PIEZO2: variants seen among roughly 807,000 people sequenced by gnomAD.
PIEZO2 encodes the protein piezo type mechanosensitive ion channel component 2, also known as piezo-type mechanosensitive ion channel component 2.
Under a neutral mutation model 337.3 loss-of-function variants are expected in PIEZO2, and 172 were observed. That is an observed-to-expected ratio of 0.51 (90% CI 0.45 to 0.58). The LOEUF (loss-of-function observed/expected upper bound fraction) is 0.58. Among genes scored for constraint, PIEZO2 ranks in the 20% least tolerant of loss-of-function variants. The pLI is 0.00. For synonymous variants in PIEZO2, 1,251 were observed against 1,228.5 expected (o/e 1.02, Z -0.38); for missense variants, 3,028 against 3,391.3 (o/e 0.89, Z 2.66).
chr18:10,680,116 C>T lies in PIEZO2; in HGVS notation c.7952+83G>A, dbSNP rs538740575. The T allele has an allele frequency of 1.1e-5, 14 of 1,226,752 alleles. No homozygotes were observed. The East Asian group carries it at 3.4e-4, about 30-fold the overall frequency. 76.0% of individuals were successfully genotyped at this position (1,226,752 alleles called of 1,614,324 possible). On this transcript the variant is annotated intron_variant, in intron 52 of 55. Coordinates refer to ENST00000674853, the MANE Select transcript of PIEZO2 (RefSeq NM_001378183.1). ...ACATCAATCTAAAGTTCCCATTCTT[C>T]CATCCCACCACACCCTCCCTCCCCC...
intron 51 of PIEZO2, 41 bp from the exon 52 acceptor site, chr18:10,680,412 C>G (rs1302632389): frequency 1.3e-6 from 2 of 1,556,508 alleles, no homozygotes; most frequent in Non-Finnish European, 1.8e-6. Context: ...AGATTATATG[C>G]ATCATGCTGT....
In PIEZO2 at chr18:10,855,709, T is replaced by G; in HGVS notation, c.704-143A>C. ...AATAGTAATTTTTAAAAATCATGTT[T>G]GATTTATATAATAAAAATTAATGCT... is the stretch of plus-strand genomic sequence containing the variant. On this transcript the variant is annotated intron_variant, in intron 6 of 55. Coordinates refer to ENST00000674853, the MANE Select transcript of PIEZO2 (RefSeq NM_001378183.1). This position sits in a 1 kb window ranked among gnomAD's most constrained non-coding sequence, Gnocchi z 4.9. 1 of 666,076 alleles carries G rather than the reference T, an allele frequency of 1.5e-6. No homozygotes were observed. The highest frequency in any genetic ancestry group is 2.7e-5 in the East Asian group (1 of 36,400). The allele number at this position is 666,076 out of a possible 1,614,324, so 41.3% of individuals were successfully genotyped here.
At chr18:11,084,594 G>A (rs990127629) in intron 1 of PIEZO2, among the ~76,000 whole-genome samples, 1 of 152,106 alleles carries the variant, frequency 6.6e-6, no homozygotes, top group African/African-American at 2.4e-5. Context: ...GTTGGCTTGA[G>A]TGTGGATCCC....
intron 5 of PIEZO2, among the ~76,000 whole-genome samples, chr18:10,869,930 C>T (rs1340542376): frequency 1.3e-5 from 2 of 152,166 alleles, no homozygotes; most frequent in African/African-American, 4.8e-5. Flanking sequence ...GACTGGAGGG[C>T]AGTGGTGTGA....
At chr18:11,007,812 T>C (rs565900246) in intron 2 of PIEZO2, among the ~76,000 whole-genome samples, 1 of 152,220 alleles carries the variant, frequency 6.6e-6, no homozygotes, top group South Asian at 2.1e-4. Flanking sequence ...AATGTAAATA[T>C]ACTTTCAGAC....
Position 10,670,781 on chromosome 18 carries a change from T to G in PIEZO2, c.*746A>C, listed in dbSNP as rs949074481. The G allele has an allele frequency of 3.9e-5, 6 of 152,500 alleles. No individual in the cohort carries two copies. The highest frequency in any genetic ancestry group is 7.3e-5 in the Non-Finnish European group (5 of 68,036). The allele number at this position is 152,500 out of a possible 1,614,324, so 9.4% of individuals were successfully genotyped here. A position where few individuals can be genotyped will look rare whatever the true frequency, so the allele number is the denominator to read the frequency against. Reference sequence around the variant, plus strand: ...CACAGGAGACCGCAGCCCTCCAGAATGGTTCCCCTCATTGAAGCTGGTCAC... The same window carrying G: ...CACAGGAGACCGCAGCCCTCCAGAAGGGTTCCCCTCATTGAAGCTGGTCAC... On this transcript the variant is annotated 3_prime_UTR_variant, in exon 56 of 56. Coordinates refer to ENST00000674853, the MANE Select transcript of PIEZO2 (RefSeq NM_001378183.1).
rs1382675430 is a variant in PIEZO2 at position 10,705,584 on chromosome 18, G to C, written c.5751C>G (p.Ala1917=). 1.3e-6 allele frequency: 2 copies of C among 1,537,166 alleles called. No homozygotes were observed. Among genetic ancestry groups the C allele is most frequent in the Admixed American group, 3.9e-5 (2 of 50,998 alleles). ...ATGYDVGAMG[A]EEASLTPEEE... Reference sequence around the variant, plus strand: ...CCTCTGGGGTGAGGCTGGCCTCCTCGGCACCCATGGCTCCCACATCGTACC... The same window carrying C: ...CCTCTGGGGTGAGGCTGGCCTCCTCCGCACCCATGGCTCCCACATCGTACC... The change falls in exon 41 of 56, where the codon GCC becomes GCG. Residue 1917 remains alanine (A), a synonymous_variant. Transcript: ENST00000674853.
rs758652081 is a variant in PIEZO2 at position 10,996,609 on chromosome 18, T to C, written c.161-16949A>G. ...ATGTGGCCTTTTGTGTCTCACTTTT[T>C]TCACTTGGTATAATGTTTTCAAGGC... is the stretch of plus-strand genomic sequence containing the variant. On this transcript the variant is annotated intron_variant, in intron 2 of 55. Coordinates refer to ENST00000674853, the MANE Select transcript of PIEZO2 (RefSeq NM_001378183.1). Among the ~76,000 whole-genome samples, 62 of 152,336 alleles carry C rather than the reference T, an allele frequency of 4.1e-4. 1 individual carries two copies. Among genetic ancestry groups the C allele is most frequent in the South Asian group, 2.7e-3 (13 of 4,822 alleles).
In PIEZO2 at chr18:11,101,699, A is replaced by G. The variant is rs1197930296; in HGVS notation, c.65-35477T>C. Among the ~76,000 whole-genome samples the G allele has an allele frequency of 1.3e-5, 2 of 152,196 alleles. No individual in the cohort carries two copies. Among genetic ancestry groups the G allele is most frequent in the Non-Finnish European group, 2.9e-5 (2 of 68,048 alleles). ...TTATATCCTCACAGAGAATTTCCTA[A>G]AGCATTTAAGTCGAGATGGTCATTT... is the stretch of plus-strand genomic sequence containing the variant. On this transcript the variant is annotated intron_variant, in intron 1 of 55. Transcript: ENST00000674853. The surrounding 1 kb of genome is among the most constrained non-coding windows in gnomAD (Gnocchi z 4.4).
intron 11 of PIEZO2, among the ~76,000 whole-genome samples, chr18:10,798,023 C>T (rs1474005537): frequency 1.3e-5 from 2 of 152,168 alleles, no homozygotes; most frequent in African/African-American, 4.8e-5. Flanking sequence ...TATGGGGAGC[C>T]CCAGGTGTGA....
rs1480259472 is a variant in PIEZO2 at position 10,945,513 on chromosome 18, C to A, written c.286+34022G>T. Among the ~76,000 whole-genome samples, 2 of 152,106 alleles carry A rather than the reference C, an allele frequency of 1.3e-5. No homozygotes were observed. The highest frequency in any genetic ancestry group is 2.4e-5 in the African/African-American group (1 of 41,410). On this transcript the variant is annotated intron_variant, in intron 3 of 55. Coordinates refer to ENST00000674853, the MANE Select transcript of PIEZO2 (RefSeq NM_001378183.1). The surrounding 1 kb of genome is among the most constrained non-coding windows in gnomAD (Gnocchi z 4.0). ...TGGTCTTGCCTCACAAATGTTTAAACAAAACACCCCCAAGAGATCAAAACA... is the reference window on the plus strand; with the variant it reads ...TGGTCTTGCCTCACAAATGTTTAAAAAAAACACCCCCAAGAGATCAAAACA...
At chr18:10,820,926 A>C (rs745990331) in intron 7 of PIEZO2, among the ~76,000 whole-genome samples, 4 of 152,208 alleles carry the variant, frequency 2.6e-5, no homozygotes, top group Admixed American at 1.3e-4. Flanking sequence ...TCAGAAATCT[A>C]TATGAGCTCT....
intron 5 of PIEZO2, among the ~76,000 whole-genome samples, chr18:10,866,670 T>C (rs950247581): frequency 6.6e-5 from 10 of 152,048 alleles, no homozygotes; most frequent in African/African-American, 2.4e-4. Flanking sequence ...ACAGGATGAG[T>C]GGGCATCCAT....
At chr18:10,882,517 T>C (rs1392710680) in intron 4 of PIEZO2, among the ~76,000 whole-genome samples, 2 of 152,208 alleles carry the variant, frequency 1.3e-5, no homozygotes, top group Non-Finnish European at 2.9e-5. Flanking sequence ...ACAATTACAT[T>C]CAAACATATG....
At position 11,137,976 on chromosome 18, in the gene PIEZO2, A is replaced by C. The variant is rs182077900; in HGVS notation, c.64+10549T>G. Among the ~76,000 whole-genome samples, 847 of 152,206 alleles carry C rather than the reference A, an allele frequency of 5.6e-3. 37 individuals are homozygous for C. Among genetic ancestry groups the C allele is most frequent in the Admixed American group, 0.05 (762 of 15,300 alleles). ...CTCTGTTCCCTGCAAAGCAAGTAAA[A>C]GGTGTTAATTGCCATCCTGATACAA... On this transcript the variant is annotated intron_variant, in intron 1 of 55. Transcript: ENST00000674853.
intron 35 of PIEZO2, among the ~76,000 whole-genome samples, chr18:10,732,188 A>G (rs981633416): frequency 6.6e-6 from 1 of 152,200 alleles, no homozygotes; most frequent in Non-Finnish European, 1.5e-5. Flanking sequence ...AGGAAAGAGC[A>G]ATTGTGAAGA....
chr18:10,932,403 A>C (rs1169345911), intron 3 of PIEZO2, among the ~76,000 whole-genome samples: 1 of 151,998 alleles, frequency 6.6e-6, no homozygotes, highest in Non-Finnish European at 1.5e-5. Context: ...CAAAAACAAA[A>C]CAAAACAAAA....
intron 52 of PIEZO2, 79 bp downstream of exon 52, chr18:10,680,120 C>A: frequency 7.9e-7 from 1 of 1,271,070 alleles, no homozygotes; most frequent in South Asian, 1.5e-5. Context: ...ATTCTTCCAT[C>A]CCACCACACC....
chr18:10,692,133 T>C (rs770344715), intron 47 of PIEZO2, among the ~76,000 whole-genome samples: 6 of 152,064 alleles, frequency 3.9e-5, no homozygotes, highest in Non-Finnish European at 7.4e-5. Context: ...CATAGTATTG[T>C]ACAGTTCAGG....
Sources: allele counts gnomAD v4.1 joint callset (sites outside exome capture counted in the v4.1 genomes callset), GRCh38; gene constraint gnomAD v4.1.1; non-coding constraint Gnocchi (gnomAD v3.1); transcripts MANE v1.5; gene names NCBI Gene and HGNC (gene_info 2026-07-23, HGNC 2026-07-21).